DNAJC6: variants seen among roughly 807,000 people sequenced by gnomAD.
DNAJC6 encodes DnaJ heat shock protein family (Hsp40) member C6.
Under a neutral mutation model 110.0 loss-of-function variants are expected in DNAJC6, and 34 were observed. The ratio of observed to expected loss-of-function variants is 0.31; its 90% CI spans 0.24 to 0.41. DNAJC6 has a LOEUF of 0.41. Among genes scored for constraint, DNAJC6 ranks in the 10% least tolerant of loss-of-function variants. DNAJC6 has a pLI of 1.00. For missense variants in DNAJC6, 1,031 were observed against 1,207.8 expected (o/e 0.85, Z 2.17); for synonymous variants, 406 against 437.2 (o/e 0.93, Z 0.89).
At chr1:65,266,044 G>A (rs1020657278) in intron 1 of DNAJC6, among the ~76,000 whole-genome samples, 2 of 152,252 alleles carry the variant, frequency 1.3e-5, no homozygotes, top group African/African-American at 4.8e-5. Context: ...GTGCGCAGGT[G>A]GGGGCTGGCA....
In DNAJC6 at chr1:65,388,798, C is replaced by T. The variant is rs530078227; in HGVS notation, c.1193+383C>T. Reference sequence around the variant, plus strand: ...CATCAGAATAGAAGCCCCGCTATAGCACTGAAGCAGGCTTCTGGAGGACCT... The same window carrying T: ...CATCAGAATAGAAGCCCCGCTATAGTACTGAAGCAGGCTTCTGGAGGACCT... On this transcript the variant is annotated intron_variant, in intron 9 of 18. Transcript: ENST00000371069. Among the ~76,000 whole-genome samples the T allele has an allele frequency of 3.3e-4, 50 of 152,242 alleles. 1 individual carries two copies. The East Asian group carries it at 8.7e-3, about 26-fold the overall frequency.
intron 1 of DNAJC6, among the ~76,000 whole-genome samples, chr1:65,360,179 G>C (rs2101543390): frequency 6.6e-6 from 1 of 152,302 alleles, no homozygotes. Context: ...CACTTATGTG[G>C]CTCATCAGGG....
chr1:65,311,073 G>T (rs12067363), intron 1 of DNAJC6, among the ~76,000 whole-genome samples: 9,514 of 152,196 alleles, frequency 0.063, 343 homozygotes, highest in Non-Finnish European at 0.079. Flanking sequence ...ATTGTCCACA[G>T]ATGCTCAAAT....
At chr1:65,408,497 C>T (rs111258410) in intron 16 of DNAJC6, 144 bp from the exon 17 acceptor site, 22 of 859,864 alleles carry the variant, frequency 2.6e-5, no homozygotes, top group African/African-American at 2.6e-4. Context: ...AGTCTCTTAC[C>T]CTACTCACAG....
intron 1 of DNAJC6, among the ~76,000 whole-genome samples, chr1:65,303,133 C>A (rs74838363): frequency 3.3e-5 from 5 of 152,076 alleles, no homozygotes; most frequent in Non-Finnish European, 7.4e-5. Flanking sequence ...GAAACCAGAG[C>A]GATTTTTTCT....
At chr1:65,384,136 A>G (rs930108888) in intron 5 of DNAJC6, 57 bp from the exon 6 acceptor site, 2 of 1,350,218 alleles carry the variant, frequency 1.5e-6, no homozygotes, top group Non-Finnish European at 1.9e-6. Flanking sequence ...GCCATTTTCA[A>G]TGGAGAATGG....
intron 1 of DNAJC6, among the ~76,000 whole-genome samples, chr1:65,295,203 G>C (rs1463152153): frequency 1.3e-5 from 2 of 152,186 alleles, no homozygotes; most frequent in African/African-American, 2.4e-5. Context: ...ATTGTATGAA[G>C]CATGGGAGTG....
At chr1:65,406,952 C>G (rs1300617386) in intron 16 of DNAJC6, among the ~76,000 whole-genome samples, 3 of 152,148 alleles carry the variant, frequency 2.0e-5, no homozygotes, top group Admixed American at 6.5e-5. Context: ...TTTATTGAGT[C>G]CTTACTGTAT....
chr1:65,399,529 T>C (rs1167201568), intron 14 of DNAJC6, among the ~76,000 whole-genome samples: 1 of 152,160 alleles, frequency 6.6e-6, no homozygotes, highest in East Asian at 1.9e-4. Context: ...CTTTTTTTAT[T>C]GTAGCAACCC....
At chr1:65,334,055 T>A (rs1645312367) in intron 1 of DNAJC6, among the ~76,000 whole-genome samples, 2 of 152,196 alleles carry the variant, frequency 1.3e-5, no homozygotes, top group Non-Finnish European at 2.9e-5. Flanking sequence ...GATGGCAAAT[T>A]TATCGTTAGG....
intron 1 of DNAJC6, among the ~76,000 whole-genome samples, chr1:65,356,004 A>G (rs1238854392): frequency 6.6e-6 from 1 of 151,636 alleles, no homozygotes; most frequent in Non-Finnish European, 1.5e-5. Flanking sequence ...AGATAAGGAA[A>G]TCAAGACTTC....
chr1:65,384,280 CTAT>C lies in DNAJC6; in HGVS notation c.755_757del (p.Leu252_Tyr253delinsHis). ...TACTCCTGGCCCAGCCATTCGATTG[CTAT>C]ATGCAAAGCGACCAGGAATTGGACT... On this transcript the variant is annotated inframe_deletion, in exon 6 of 19. Coordinates refer to ENST00000371069, the MANE Select transcript of DNAJC6 (RefSeq NM_001256864.2). 1 of 1,585,548 alleles carries C rather than the reference CTAT, an allele frequency of 6.3e-7. No individual in the cohort carries two copies. The highest frequency in any genetic ancestry group is 8.6e-7 in the Non-Finnish European group (1 of 1,167,788).
chr1:65,318,378 G>C (rs950671750), intron 1 of DNAJC6, among the ~76,000 whole-genome samples: 1 of 152,018 alleles, frequency 6.6e-6, no homozygotes, highest in Non-Finnish European at 1.5e-5. Context: ...AAGTCATACT[G>C]CAGCCCCAGG....
chr1:65,414,257 T>C lies in DNAJC6; in HGVS notation c.*1232T>C, dbSNP rs1458093771. 1 of 152,452 alleles carries C rather than the reference T, an allele frequency of 6.6e-6. No individual in the cohort carries two copies. The highest frequency in any genetic ancestry group is 1.5e-5 in the Non-Finnish European group (1 of 68,050). 9.4% of individuals were successfully genotyped at this position (152,452 alleles called of 1,614,324 possible). A position where few individuals can be genotyped will look rare whatever the true frequency, so the allele number is the denominator to read the frequency against. ...AAAGCAAGAATGAATGCTTTCCCGA[T>C]CTCAGACTGGCTGGATTCAGATCAG... On this transcript the variant is annotated 3_prime_UTR_variant, in exon 19 of 19. Coordinates refer to ENST00000371069, the MANE Select transcript of DNAJC6 (RefSeq NM_001256864.2).
intron 15 of DNAJC6, among the ~76,000 whole-genome samples, chr1:65,404,800 G>A (rs1353223496): frequency 6.6e-6 from 1 of 152,174 alleles, no homozygotes; most frequent in Admixed American, 6.5e-5. Context: ...TTGGAGGTAG[G>A]ATGCACATAG....
chr1:65,359,658 G>A (rs949850601), intron 1 of DNAJC6, among the ~76,000 whole-genome samples: 3 of 152,202 alleles, frequency 2.0e-5, no homozygotes, highest in African/African-American at 7.2e-5. Context: ...AGGTGTTGGA[G>A]GTAGCAAGCT....
chr1:65,393,293 A>G (rs762802570), intron 12 of DNAJC6, among the ~76,000 whole-genome samples: 10 of 152,196 alleles, frequency 6.6e-5, no homozygotes, highest in Admixed American at 1.3e-4. Context: ...TTTTATCCCC[A>G]TTTTATAGTT....
chr1:65,351,376 T>C (rs1645488480), intron 1 of DNAJC6, among the ~76,000 whole-genome samples: 1 of 152,214 alleles, frequency 6.6e-6, no homozygotes, highest in Non-Finnish European at 1.5e-5. Flanking sequence ...GCATTTTAAG[T>C]AAAGACCCCA....
chr1:65,313,730 A>G (rs1301605671), intron 1 of DNAJC6, among the ~76,000 whole-genome samples: 1 of 152,220 alleles, frequency 6.6e-6, no homozygotes, highest in Non-Finnish European at 1.5e-5. Flanking sequence ...TGGCTTTCTA[A>G]GTCAACAGCC....
Sources: gnomAD v4.1 joint callset for allele counts (sites outside exome capture counted in the v4.1 genomes callset) on GRCh38, gnomAD v4.1.1 for gene constraint, MANE v1.5 for transcripts, NCBI Gene and HGNC (gene_info 2026-07-23, HGNC 2026-07-21) for gene names.